PIK3CB: variants seen among roughly 807,000 people sequenced by gnomAD.
PIK3CB encodes the protein phosphatidylinositol-4,5-bisphosphate 3-kinase catalytic subunit beta.
PIK3CB carries 39 observed loss-of-function variants against 136.8 expected under a neutral mutation model. The observed-to-expected ratio is 0.29, with a 90% CI of 0.22 to 0.37. PIK3CB has a LOEUF of 0.37. Ranked by LOEUF, PIK3CB falls within the 10% of genes least tolerant of loss-of-function variation. The pLI, the probability that PIK3CB is intolerant of heterozygous loss-of-function variation, is 1.00. For missense variants in PIK3CB, 868 were observed against 1,275.4 expected, an observed-to-expected ratio of 0.68 and a Z score of 4.87; for synonymous variants, 428 against 436.6, an observed-to-expected ratio of 0.98 and a Z score of 0.25.
At chr3:138,709,906 G>A (rs1363374335) in intron 10 of PIK3CB, among the ~76,000 whole-genome samples, 1 of 151,930 alleles carries the variant, frequency 6.6e-6, no homozygotes, top group Non-Finnish European at 1.5e-5. Context: ...GCTGGGAGCT[G>A]TGGCTCATGC....
At chr3:138,790,809 T>A (rs1195573556) in intron 2 of PIK3CB, among the ~76,000 whole-genome samples, 3 of 144,868 alleles carry the variant, frequency 2.1e-5, no homozygotes, top group African/African-American at 7.6e-5. Flanking sequence ...GTGAGACTCC[T>A]TCTCAAAAAA....
chr3:138,691,297 A>G (rs1444672472), intron 14 of PIK3CB, among the ~76,000 whole-genome samples, 154 bp from the exon 15 acceptor site: 1 of 152,198 alleles, frequency 6.6e-6, no homozygotes, highest in African/African-American at 2.4e-5. Context: ...CACTGTTACA[A>G]TATCACAAAA....
chr3:138,699,428 A>G (rs1283819037), intron 12 of PIK3CB, among the ~76,000 whole-genome samples: 3 of 151,742 alleles, frequency 2.0e-5, no homozygotes, highest in Non-Finnish European at 4.4e-5. Context: ...GGGTGGGTGG[A>G]CTGCCTGAGG....
chr3:138,677,460 T>C (rs1286304171), intron 19 of PIK3CB, among the ~76,000 whole-genome samples: 1 of 152,202 alleles, frequency 6.6e-6, no homozygotes, highest in African/African-American at 2.4e-5. Flanking sequence ...TTTAAAATTG[T>C]ATACAAGAAA....
chr3:138,757,382 G>A (rs192600152), intron 3 of PIK3CB, among the ~76,000 whole-genome samples: 2 of 151,244 alleles, frequency 1.3e-5, no homozygotes, highest in East Asian at 1.9e-4. Flanking sequence ...CCAGTCTGGC[G>A]ACAGAGCGAG....
At chr3:138,672,129 G>A (rs944960843) in intron 19 of PIK3CB, among the ~76,000 whole-genome samples, 3 of 152,152 alleles carry the variant, frequency 2.0e-5, no homozygotes, top group African/African-American at 7.2e-5. Flanking sequence ...AGATTGATCA[G>A]ATTATTTGAA....
At chr3:138,776,138 C>A (rs1452443812) in intron 2 of PIK3CB, among the ~76,000 whole-genome samples, 1 of 152,014 alleles carries the variant, frequency 6.6e-6, no homozygotes, top group Non-Finnish European at 1.5e-5. Flanking sequence ...GCAAAGGTTG[C>A]ACTGAGTGGA....
chr3:138,700,988 C>T (rs1041666015), intron 12 of PIK3CB, among the ~76,000 whole-genome samples: 7 of 151,956 alleles, frequency 4.6e-5, no homozygotes, highest in African/African-American at 7.3e-5. Context: ...TAGCAGACAC[C>T]GTACTAACCA....
intron 2 of PIK3CB, among the ~76,000 whole-genome samples, chr3:138,766,262 TC>T (rs1189953909): frequency 2.9e-4 from 44 of 152,296 alleles, no homozygotes; most frequent in African/African-American, 9.6e-4. Flanking sequence ...GCTGAAGAAC[TC>T]CCTTGATGTC....
intron 2 of PIK3CB, among the ~76,000 whole-genome samples, chr3:138,769,871 C>T (rs1402601560): frequency 6.6e-6 from 1 of 152,140 alleles, no homozygotes; most frequent in Non-Finnish European, 1.5e-5. Flanking sequence ...GAGTTACAGA[C>T]CCTACCCATT....
At chr3:138,716,136 TA>T (rs1253473236) in intron 8 of PIK3CB, among the ~76,000 whole-genome samples, 2 of 152,178 alleles carry the variant, frequency 1.3e-5, no homozygotes, top group Non-Finnish European at 2.9e-5. Flanking sequence ...AATATTCAAG[TA>T]ACAGGTGTTA....
At chr3:138,809,680 CAAG>C (rs1433141555) in intron 1 of PIK3CB, among the ~76,000 whole-genome samples, 1 of 146,822 alleles carries the variant, frequency 6.8e-6, no homozygotes, top group Non-Finnish European at 1.5e-5. Flanking sequence ...AGCAGTTAAA[CAAG>C]AAGAGGAAGC....
chr3:138,778,175 G>T, intron 2 of PIK3CB: 1 of 452,666 alleles, frequency 2.2e-6, no homozygotes, highest in South Asian at 1.5e-5. Flanking sequence ...GAAACCGAAA[G>T]GGTCATCATC....
In PIK3CB at chr3:138,755,858, C is replaced by G. The variant is rs2108721657; in HGVS notation, c.293G>C (p.Arg98Thr). ...AAGAAAAGGTCTGACATCACAGAGT[C>G]TTCGTGTTTCATCTTCAAGCTCCTC... Reference protein sequence around the residue: ...VYEELEDETRRLCDVRPFLPV... With the variant: ...VYEELEDETRTLCDVRPFLPV... The change falls in exon 4 of 24, where the codon AGA (arginine) becomes ACA (threonine). Residue 98 changes from arginine to threonine, a missense_variant. Arg to Thr is a moderately conservative substitution (Grantham distance 71). This residue lies in a region of PIK3CB where 612 missense variants were observed against 801.1 expected (regional missense o/e 0.76). Coordinates refer to ENST00000674063, the MANE Select transcript of PIK3CB (RefSeq NM_006219.3). 1.2e-6 allele frequency: 2 copies of G among 1,612,552 alleles called. No individual in the cohort carries two copies. The highest frequency in any genetic ancestry group is 1.7e-6 in the Non-Finnish European group (2 of 1,178,728).
chr3:138,694,059 G>C (rs1040265744), intron 14 of PIK3CB, among the ~76,000 whole-genome samples: 1 of 146,826 alleles, frequency 6.8e-6, no homozygotes, highest in African/African-American at 2.5e-5. Flanking sequence ...GTGAAGAAAA[G>C]AGGTAACACA....
intron 1 of PIK3CB, among the ~76,000 whole-genome samples, chr3:138,806,433 T>C (rs1317922313): frequency 2.6e-5 from 4 of 151,884 alleles, no homozygotes; most frequent in African/African-American, 9.7e-5. Flanking sequence ...TGTAGTGAGC[T>C]GAGATCCCAC....
chr3:138,738,535 G>A (rs995591731), intron 5 of PIK3CB, among the ~76,000 whole-genome samples: 14 of 146,260 alleles, frequency 9.6e-5, no homozygotes, highest in Non-Finnish European at 2.1e-4. Flanking sequence ...CTGGTAAGAA[G>A]ACAGCCATAC....
rs2108380517 is a variant in PIK3CB at position 138,655,343 on chromosome 3, AAAATG to A, written c.*41_*45del. 1 of 1,597,592 alleles carries A rather than the reference AAAATG, an allele frequency of 6.3e-7. No individual in the cohort carries two copies. The highest frequency in any genetic ancestry group is 8.6e-7 in the Non-Finnish European group (1 of 1,167,536). ...TTCAATTTAGTGCAAGTGCAAAATG[AAAATG>A]AAATGAAACCAACAAATACATTAGG... is the stretch of plus-strand genomic sequence containing the variant. On this transcript the variant is annotated 3_prime_UTR_variant, in exon 24 of 24. Coordinates refer to ENST00000674063, the MANE Select transcript of PIK3CB (RefSeq NM_006219.3).
At chr3:138,661,839 AG>A (rs548051135) in intron 21 of PIK3CB, among the ~76,000 whole-genome samples, 2 of 152,090 alleles carry the variant, frequency 1.3e-5, no homozygotes, top group Non-Finnish European at 1.5e-5. Flanking sequence ...GGGAATTCCT[AG>A]GGGGGCTAAA....
Sources: allele counts gnomAD v4.1 joint callset (sites outside exome capture counted in the v4.1 genomes callset), GRCh38; gene constraint gnomAD v4.1.1; regional missense constraint gnomAD v4.1.1; transcripts MANE v1.5; gene names NCBI Gene and HGNC (gene_info 2026-07-23, HGNC 2026-07-21).